AKR1E2: variants seen among roughly 807,000 people sequenced by gnomAD.
AKR1E2 encodes aldo-keto reductase family 1 member E2.
AKR1E2 carries 43 observed loss-of-function variants against 41.9 expected under a neutral mutation model. The observed-to-expected ratio is 1.03, with a 90% CI of 0.80 to 1.32. AKR1E2 has a LOEUF of 1.32. AKR1E2 is among the 40% of genes most tolerant of loss of function. The pLI, the probability that AKR1E2 is intolerant of heterozygous loss-of-function variation, is 0.00. For missense variants in AKR1E2, 423 were observed against 396.5 expected (o/e 1.07, Z -0.57); for synonymous variants, 121 against 138.9 (o/e 0.87, Z 0.91).
At chr10:4,832,335 G>A (rs185886744) in intron 2 of AKR1E2, among the ~76,000 whole-genome samples, 35 of 152,276 alleles carry the variant, frequency 2.3e-4, no homozygotes, top group African/African-American at 7.5e-4. Flanking sequence ...TTACTTTATG[G>A]AAGTTAATGT....
At chr10:4,856,328 G>T in the AKR1E2 span, among the ~76,000 whole-genome samples, 1 of 152,150 alleles carries the variant, frequency 6.6e-6, no homozygotes, top group African/African-American at 2.4e-5. Context: ...AGTTAAAGGG[G>T]TATTATCTAG....
chr10:4,838,716 A>T (rs1833630058), intron 5 of AKR1E2, among the ~76,000 whole-genome samples: 1 of 152,152 alleles, frequency 6.6e-6, no homozygotes, highest in African/African-American at 2.4e-5. Flanking sequence ...CTGGCTTCTG[A>T]CCCAGCTTCT....
intron 6 of AKR1E2, among the ~76,000 whole-genome samples, chr10:4,840,784 A>G (rs1489937199): frequency 6.6e-6 from 1 of 152,020 alleles, no homozygotes; most frequent in African/African-American, 2.4e-5. Flanking sequence ...GTCCAGCATC[A>G]TCTTCTCCAG....
the AKR1E2 span, among the ~76,000 whole-genome samples, chr10:4,871,656 A>G: frequency 6.9e-6 from 1 of 145,786 alleles, no homozygotes; most frequent in African/African-American, 2.5e-5. Context: ...CCAAGGCTGC[A>G]GCAGATTAGG....
At chr10:4,870,851 T>G in the AKR1E2 span, among the ~76,000 whole-genome samples, 1 of 152,116 alleles carries the variant, frequency 6.6e-6, no homozygotes, top group Non-Finnish European at 1.5e-5. Context: ...GCAATTAAAG[T>G]AGCCATTATT....
the AKR1E2 span, among the ~76,000 whole-genome samples, chr10:4,872,834 G>A: frequency 2.6e-5 from 4 of 152,182 alleles, no homozygotes; most frequent in Non-Finnish European, 2.9e-5. Flanking sequence ...AATCAGAATA[G>A]AGAGAAAGGC....
intron 3 of AKR1E2, 74 bp downstream of exon 3, chr10:4,833,540 G>A: frequency 7.6e-7 from 1 of 1,307,848 alleles, no homozygotes; most frequent in Non-Finnish European, 1.1e-6. Flanking sequence ...GTCTTGCGGT[G>A]GGGAGAGCAT....
intron 1 of AKR1E2, among the ~76,000 whole-genome samples, chr10:4,826,821 A>G (rs1321628181): frequency 6.6e-6 from 1 of 152,108 alleles, no homozygotes; most frequent in Non-Finnish European, 1.5e-5. Flanking sequence ...CGGGCTTGTA[A>G]TCCCAGCACT....
the AKR1E2 span, among the ~76,000 whole-genome samples, chr10:4,858,368 C>T: frequency 2.0e-5 from 3 of 152,164 alleles, no homozygotes; most frequent in African/African-American, 7.2e-5. Flanking sequence ...TTCATTCATT[C>T]ATTCATTCAT....
intron 8 of AKR1E2, among the ~76,000 whole-genome samples, chr10:4,844,663 C>A (rs1271111849): frequency 6.6e-6 from 1 of 152,188 alleles, no homozygotes; most frequent in East Asian, 1.9e-4. Context: ...TTCTCCAAGT[C>A]CCCACCAGAG....
the AKR1E2 span, among the ~76,000 whole-genome samples, chr10:4,864,504 G>A: frequency 7.2e-5 from 11 of 151,938 alleles, no homozygotes; most frequent in South Asian, 2.1e-4. Flanking sequence ...AGCCAGTATC[G>A]TACTGAATGG....
At chr10:4,841,915 G>C (rs907196205) in intron 7 of AKR1E2, 58 bp downstream of exon 7, 41 of 1,495,372 alleles carry the variant, frequency 2.7e-5, no homozygotes, top group Middle Eastern at 1.8e-4. Flanking sequence ...CTACATCCTT[G>C]GGGAGTCCTG....
intron 8 of AKR1E2, among the ~76,000 whole-genome samples, chr10:4,844,130 G>A (rs1426792818): frequency 6.6e-6 from 1 of 152,186 alleles, no homozygotes; most frequent in Non-Finnish European, 1.5e-5. Context: ...CTTAAAGGTG[G>A]TGTGTCCGGA....
rs1341973083 is a variant in AKR1E2, at chr10:4,837,509, A to G, written c.510A>G (p.Ser170=). Residue 170 remains serine (S), a synonymous_variant, in exon 5 of 10, where the codon TCA becomes TCG. Transcript: ENST00000298375. ...ITGLVKNIGV[S]NFNHEQLERL... Reference sequence around the variant, plus strand: ...GGCTGGTGAAGAACATCGGGGTGTCAAACTTCAACCATGAACAGCTTGAGA... The same window carrying G: ...GGCTGGTGAAGAACATCGGGGTGTCGAACTTCAACCATGAACAGCTTGAGA... 2.8e-5 allele frequency: 45 copies of G among 1,614,060 alleles called. No individual in the cohort carries two copies. The highest frequency in any genetic ancestry group is 3.7e-5 in the Non-Finnish European group (44 of 1,180,048).
chr10:4,868,924 A>T, the AKR1E2 span, among the ~76,000 whole-genome samples: 1 of 151,978 alleles, frequency 6.6e-6, no homozygotes, highest in African/African-American at 2.4e-5. Context: ...ATATTTTTTT[A>T]AATTCTATTT....
chr10:4,832,602 A>C (rs7475463), intron 2 of AKR1E2, among the ~76,000 whole-genome samples: 2 of 152,190 alleles, frequency 1.3e-5, no homozygotes, highest in Admixed American at 1.3e-4. Context: ...TAAATCACAC[A>C]TATAAGCACC....
In AKR1E2 at chr10:4,847,538, T is replaced by A. The variant is rs12767539; in HGVS notation, c.*8T>A. 73,955 of 1,613,250 alleles carry A rather than the reference T, an allele frequency of 0.046. 1,997 individuals are homozygous for A. The highest frequency in any genetic ancestry group is 0.053 in the Non-Finnish European group (62,209 of 1,179,444). ...TTCCACATAGAATACTGAGGACGCT[T>A]CCCCTTCCTTGTTTCTGCTCAGCCC... is the stretch of plus-strand genomic sequence containing the variant. On this transcript the variant is annotated 3_prime_UTR_variant, in exon 10 of 10. Transcript: ENST00000298375.
chr10:4,869,292 T>C, the AKR1E2 span, among the ~76,000 whole-genome samples: 5 of 152,170 alleles, frequency 3.3e-5, no homozygotes, highest in Non-Finnish European at 7.4e-5. Flanking sequence ...GTCCATTATA[T>C]AACTTGTGAA....
chr10:4,841,558 T>A lies in AKR1E2; in HGVS notation c.681-227T>A, dbSNP rs12573398. 0.035 allele frequency among the ~76,000 whole-genome samples: 5,301 copies of A among 152,240 alleles called. 150 individuals are homozygous for A. Among genetic ancestry groups the A allele is most frequent in the East Asian group, 0.11 (585 of 5,148 alleles). ...TTTGAGGAGAAACACCAAATACACATGAAAAGTGATGTCGTGTAGCCTTGT... is the reference window on the plus strand; with the variant it reads ...TTTGAGGAGAAACACCAAATACACAAGAAAAGTGATGTCGTGTAGCCTTGT... On this transcript the variant is annotated intron_variant, in intron 6 of 9. Transcript: ENST00000298375.
Sources: allele counts gnomAD v4.1 joint callset (sites outside exome capture counted in the v4.1 genomes callset), GRCh38; gene constraint gnomAD v4.1.1; transcripts MANE v1.5; gene names NCBI Gene and HGNC (gene_info 2026-07-23, HGNC 2026-07-21).